Variants in GLI3 observed in about 807,000 individuals in gnomAD.
GLI3 encodes GLI family zinc finger 3.
A neutral mutation model predicts 100.8 loss-of-function variants in GLI3; 20 were observed. That is an observed-to-expected ratio of 0.20 (90% CI 0.14 to 0.29). GLI3 has a LOEUF of 0.29. GLI3 is among the 10% of genes least tolerant of loss of function. GLI3 has a pLI of 1.00. For synonymous variants in GLI3, 938 were observed against 860.5 expected (o/e 1.09, Z -1.58); for missense variants, 2,040 against 2,128.5 (o/e 0.96, Z 0.82).
At chr7:42,103,367 CAT>C (rs1350331636) in intron 3 of GLI3, among the ~76,000 whole-genome samples, 1 of 152,152 alleles carries the variant, frequency 6.6e-6, no homozygotes, top group Non-Finnish European at 1.5e-5. Context: ...AACTTGTACA[CAT>C]GTCCTTAAAC....
intron 2 of GLI3, among the ~76,000 whole-genome samples, chr7:42,155,277 TA>T (rs538103202): frequency 6.6e-6 from 1 of 151,744 alleles, no homozygotes; most frequent in South Asian, 2.1e-4. Context: ...CCATCTCTAC[TA>T]AAAAAACAAA....
Position 42,201,450 on chromosome 7 carries a change from G to A in GLI3, c.124+21680C>T, listed in dbSNP as rs558080304. On this transcript the variant is annotated intron_variant, in intron 2 of 14. Coordinates refer to ENST00000395925, the MANE Select transcript of GLI3 (RefSeq NM_000168.6). ...TTATTCCAAGACCCAAAGCTAGTAGGTGGCCACAAATCATGATATAGAATA... is the reference window on the plus strand; with the variant it reads ...TTATTCCAAGACCCAAAGCTAGTAGATGGCCACAAATCATGATATAGAATA... 1.1e-4 allele frequency among the ~76,000 whole-genome samples: 16 copies of A among 152,148 alleles called. 1 individual carries two copies. Among genetic ancestry groups the A allele is most frequent in the Non-Finnish European group, 2.2e-4 (15 of 68,036 alleles).
intron 1 of GLI3, among the ~76,000 whole-genome samples, chr7:42,255,678 T>C (rs1423528754): frequency 6.6e-6 from 1 of 152,204 alleles, no homozygotes; most frequent in Non-Finnish European, 1.5e-5. Flanking sequence ...TTCCATTGTA[T>C]AGATGCCCTA....
intron 3 of GLI3, among the ~76,000 whole-genome samples, chr7:42,096,972 G>A (rs964708695): frequency 3.9e-5 from 6 of 152,172 alleles, no homozygotes; most frequent in African/African-American, 1.2e-4. Flanking sequence ...CAGCCTAAGG[G>A]ATGTTTAATA....
At chr7:42,243,529 C>T (rs141695683) in intron 1 of GLI3, among the ~76,000 whole-genome samples, 29 of 152,260 alleles carry the variant, frequency 1.9e-4, no homozygotes, top group African/African-American at 6.7e-4. Context: ...TGTCACTTTG[C>T]TAAATCAATT....
At chr7:42,199,683 A>G (rs1583641547) in intron 2 of GLI3, among the ~76,000 whole-genome samples, 1 of 152,234 alleles carries the variant, frequency 6.6e-6, no homozygotes, top group East Asian at 1.9e-4. Flanking sequence ...CTTTGAGGGC[A>G]GGAGCCATGT....
chr7:42,072,379 A>C (rs1784800204), intron 4 of GLI3, among the ~76,000 whole-genome samples: 1 of 152,252 alleles, frequency 6.6e-6, no homozygotes, highest in Non-Finnish European at 1.5e-5. Flanking sequence ...GAATGAAATC[A>C]AATTGGAATT....
At position 41,966,730 on chromosome 7, in the gene GLI3, G is replaced by C; in HGVS notation, c.2432-89C>G. ...GGCATGAGCAACCCTTTTCTGTAAA[G>C]GGCCAGCTAGGAACTATTTCTGGTG... On this transcript the variant is annotated intron_variant, in intron 14 of 14. Transcript: ENST00000395925. This position sits in a 1 kb window ranked among gnomAD's most constrained non-coding sequence, Gnocchi z 5.8. The C allele has an allele frequency of 7.6e-7, 1 of 1,317,408 alleles. No individual in the cohort carries two copies. 81.6% of individuals were successfully genotyped at this position (1,317,408 alleles called of 1,614,324 possible). A position where few individuals can be genotyped will look rare whatever the true frequency, so the allele number is the denominator to read the frequency against.
In GLI3 at chr7:42,062,710, C is replaced by CAT. The variant is rs781153583; in HGVS notation, c.474-14015_474-14014insAT. 2.6e-4 allele frequency among the ~76,000 whole-genome samples: 29 copies of CAT among 111,106 alleles called. 1 individual carries two copies. In the East Asian group the frequency reaches 7.0e-3, roughly 27 times the overall value. 72.9% of individuals were successfully genotyped at this position (111,106 alleles called of 152,430 possible). On this transcript the variant is annotated intron_variant, in intron 4 of 14. Transcript: ENST00000395925. The stretch of plus-strand genomic sequence containing the variant: ...AAGGTTTATATATTATACACACACA[C>CAT]AGACACACACACACACACACACACA...
intron 3 of GLI3, among the ~76,000 whole-genome samples, chr7:42,080,120 T>C (rs570796809): frequency 5.3e-5 from 8 of 152,232 alleles, no homozygotes; most frequent in African/African-American, 1.7e-4. Flanking sequence ...TCTTTCAGGG[T>C]TTAAATTTTC....
At chr7:42,021,279 T>C (rs1456322115) in intron 10 of GLI3, among the ~76,000 whole-genome samples, 1 of 152,242 alleles carries the variant, frequency 6.6e-6, no homozygotes, top group Non-Finnish European at 1.5e-5. Context: ...AAAGGTAAGA[T>C]ATTAGATTTT....
chr7:42,193,425 C>T (rs1026593985), intron 2 of GLI3, among the ~76,000 whole-genome samples: 1 of 151,830 alleles, frequency 6.6e-6, no homozygotes, highest in South Asian at 2.1e-4. Context: ...TGCCTGAGCT[C>T]GGAAGGACAC....
At chr7:42,097,847 T>C (rs1785373834) in intron 3 of GLI3, among the ~76,000 whole-genome samples, 1 of 152,156 alleles carries the variant, frequency 6.6e-6, no homozygotes, top group African/African-American at 2.4e-5. Flanking sequence ...AGTGGACAGA[T>C]GTCAGGGTAT....
chr7:41,967,069 C>T (rs961721011), intron 14 of GLI3, among the ~76,000 whole-genome samples: 8 of 152,262 alleles, frequency 5.3e-5, no homozygotes, highest in South Asian at 2.1e-4. Flanking sequence ...TTCACATTCA[C>T]GCTCAGGGCG....
At chr7:42,028,492 G>A (rs1225050978) in intron 7 of GLI3, among the ~76,000 whole-genome samples, 1 of 152,132 alleles carries the variant, frequency 6.6e-6, no homozygotes, top group East Asian at 1.9e-4. Context: ...GGCCGGGCGC[G>A]GTGGCTCACG....
upstream of GLI3, among the ~76,000 whole-genome samples, chr7:42,237,445 C>G (rs1175945349): frequency 5.3e-5 from 8 of 152,114 alleles, no homozygotes; most frequent in Non-Finnish European, 8.8e-5. Flanking sequence ...CCTGGTGCCC[C>G]GTGCTGGGTG....
rs193266485 is a variant in GLI3, at chr7:42,059,037, G to A, written c.474-10341C>T. ...TAAATGACCACATCTCATAGCATGG[G>A]ACTGCGTTCTATCCCACTAACTTTT... is the stretch of plus-strand genomic sequence containing the variant. On this transcript the variant is annotated intron_variant, in intron 4 of 14. Coordinates refer to ENST00000395925, the MANE Select transcript of GLI3 (RefSeq NM_000168.6). Among the ~76,000 whole-genome samples the A allele has an allele frequency of 2.3e-3, 347 of 152,270 alleles. 4 individuals carry two copies. Among genetic ancestry groups the A allele is most frequent in the Non-Finnish European group, 1.8e-3 (125 of 68,028 alleles).
chr7:41,991,815 GGAA>G (rs1193201678), intron 10 of GLI3, among the ~76,000 whole-genome samples: 5 of 152,170 alleles, frequency 3.3e-5, no homozygotes, highest in Admixed American at 6.5e-5. Context: ...AGTGAATTGA[GGAA>G]GAAGGGAAGA....
intron 2 of GLI3, chr7:42,172,477 A>T: frequency 1.5e-6 from 1 of 668,694 alleles, no homozygotes; most frequent in Non-Finnish European, 2.7e-6. Flanking sequence ...TAAAAAGTGT[A>T]AATGAATTAA....
Sources: gnomAD v4.1 joint callset for allele counts (sites outside exome capture counted in the v4.1 genomes callset) on GRCh38, gnomAD v4.1.1 for gene constraint, Gnocchi (gnomAD v3.1) non-coding constraint, MANE v1.5 for transcripts, NCBI Gene and HGNC (gene_info 2026-07-23, HGNC 2026-07-21) for gene names.